The following AFG2A variants were observed in gnomAD, a reference collection of about 807,000 sequenced individuals.
AFG2A encodes ATPase family gene 2 protein homolog A.
At chr4:122,925,811 C>G in the AFG2A span, among the ~76,000 whole-genome samples, 32 of 152,206 alleles carry the variant, frequency 2.1e-4, no homozygotes, top group Non-Finnish European at 3.5e-4. Flanking sequence ...GCTATAAACT[C>G]TGTGAGACCA....
the AFG2A span, among the ~76,000 whole-genome samples, chr4:123,290,392 C>A: frequency 6.6e-6 from 1 of 152,072 alleles, no homozygotes; most frequent in Non-Finnish European, 1.5e-5. Context: ...AGACAAGAGT[C>A]CAATTTCATT....
the AFG2A span, among the ~76,000 whole-genome samples, chr4:122,948,482 T>C: frequency 6.6e-6 from 1 of 151,582 alleles, no homozygotes; most frequent in East Asian, 1.9e-4. Context: ...TGACAATATT[T>C]ATTGATATAT....
the AFG2A span, among the ~76,000 whole-genome samples, chr4:123,165,859 T>TG: frequency 2.0e-5 from 3 of 152,188 alleles, no homozygotes; most frequent in African/African-American, 7.2e-5. Flanking sequence ...ATGTTCACAT[T>TG]GGGGGGAAAA....
the AFG2A span, among the ~76,000 whole-genome samples, chr4:123,308,665 C>T: frequency 6.6e-6 from 1 of 152,192 alleles, no homozygotes; most frequent in Non-Finnish European, 1.5e-5. Flanking sequence ...TTCCACGAAA[C>T]CAGTCCCTGG....
the AFG2A span, among the ~76,000 whole-genome samples, chr4:123,170,035 G>C: frequency 6.6e-6 from 1 of 152,252 alleles, no homozygotes; most frequent in East Asian, 1.9e-4. Flanking sequence ...TCGTTTTGGA[G>C]GTTCTAACAA....
the AFG2A span, among the ~76,000 whole-genome samples, chr4:122,996,101 G>A: frequency 6.6e-6 from 1 of 152,096 alleles, no homozygotes; most frequent in Admixed American, 6.5e-5. Context: ...TATGAAATCT[G>A]TGCTCATTAG....
chr4:123,277,015 A>G, the AFG2A span, among the ~76,000 whole-genome samples: 1 of 152,138 alleles, frequency 6.6e-6, no homozygotes, highest in Non-Finnish European at 1.5e-5. Flanking sequence ...TAATTCTGTG[A>G]AGAATGTCAT....
the AFG2A span, chr4:122,935,684 GA>G: frequency 6.5e-7 from 1 of 1,535,140 alleles, no homozygotes. Context: ...TAGTAATGGT[GA>G]ATCTAGTGTT....
chr4:122,947,471 T>G, the AFG2A span: 1 of 1,612,204 alleles, frequency 6.2e-7, no homozygotes, highest in Non-Finnish European at 8.5e-7. Context: ...GACTTGAAAG[T>G]CTTGTGTAAT....
At chr4:123,178,455 A>G in the AFG2A span, among the ~76,000 whole-genome samples, 2 of 152,232 alleles carry the variant, frequency 1.3e-5, no homozygotes, top group African/African-American at 4.8e-5. Context: ...ATATTCTTGA[A>G]CAACACCTCT....
the AFG2A span, among the ~76,000 whole-genome samples, chr4:123,003,152 T>C: frequency 2.3e-4 from 35 of 152,342 alleles, 1 homozygote; most frequent in South Asian, 5.4e-3. Flanking sequence ...GCTTTCAGCT[T>C]CATCAGCTCC....
At chr4:123,057,375 A>G in the AFG2A span, 2 of 1,394,308 alleles carry the variant, frequency 1.4e-6, no homozygotes, top group South Asian at 1.3e-5. Flanking sequence ...CATTTTGTAT[A>G]CAACTTTTAT....
chr4:123,066,935 T>C, the AFG2A span, among the ~76,000 whole-genome samples: 1 of 152,194 alleles, frequency 6.6e-6, no homozygotes, highest in South Asian at 2.1e-4. Flanking sequence ...GTTTTGTCTA[T>C]AAGTTGTAAC....
chr4:123,019,705 A>G, the AFG2A span, among the ~76,000 whole-genome samples: 5 of 152,276 alleles, frequency 3.3e-5, no homozygotes, highest in East Asian at 9.6e-4. Flanking sequence ...CAGATATTTT[A>G]TATATTTAGA....
At chr4:122,952,003 T>C in the AFG2A span, among the ~76,000 whole-genome samples, 1 of 152,218 alleles carries the variant, frequency 6.6e-6, no homozygotes, top group Non-Finnish European at 1.5e-5. Context: ...GTAAGCCATT[T>C]GGCCACAGTC....
At chr4:123,062,160 A>G in the AFG2A span, among the ~76,000 whole-genome samples, 1 of 152,204 alleles carries the variant, frequency 6.6e-6, no homozygotes, top group African/African-American at 2.4e-5. Context: ...AACTTTTCAG[A>G]GAACACATGT....
At chr4:123,136,288 C>T in the AFG2A span, among the ~76,000 whole-genome samples, 3 of 152,078 alleles carry the variant, frequency 2.0e-5, no homozygotes, top group African/African-American at 7.2e-5. Flanking sequence ...AATCCCAGCA[C>T]TTTGGGAGGC....
the AFG2A span, among the ~76,000 whole-genome samples, chr4:123,100,703 T>A: frequency 3.3e-5 from 5 of 151,998 alleles, no homozygotes; most frequent in South Asian, 8.3e-4. Context: ...AATAAAGTCA[T>A]CAGGAACAAC....
chr4:123,198,781 G>C, the AFG2A span, among the ~76,000 whole-genome samples: 1 of 152,226 alleles, frequency 6.6e-6, no homozygotes, highest in African/African-American at 2.4e-5. Flanking sequence ...GACCTGCAAT[G>C]TATTTCTTAA....
Sources: allele counts gnomAD v4.1 joint callset (sites outside exome capture counted in the v4.1 genomes callset), GRCh38; gene constraint gnomAD v4.1.1; transcripts MANE v1.5; gene names NCBI Gene and HGNC (gene_info 2026-07-23, HGNC 2026-07-21).